Variants in COL12A1 observed in about 807,000 individuals in gnomAD.
COL12A1 encodes collagen alpha-1(XII) chain.
A neutral mutation model predicts 349.7 loss-of-function variants in COL12A1; 114 were observed. The ratio of observed to expected loss-of-function variants is 0.33; its 90% CI spans 0.28 to 0.38. COL12A1 has a LOEUF of 0.38. Ranked by LOEUF, COL12A1 falls within the 10% of genes least tolerant of loss-of-function variation. The pLI, the probability that COL12A1 is intolerant of heterozygous loss-of-function variation, is 1.00. For missense variants in COL12A1, 3,284 were observed against 3,756.9 expected (o/e 0.87, Z 3.29); for synonymous variants, 1,369 against 1,329.0 (o/e 1.03, Z -0.66).
chr6:75,097,615 T>C (rs1165479324), intron 58 of COL12A1, among the ~76,000 whole-genome samples: 1 of 152,194 alleles, frequency 6.6e-6, no homozygotes, highest in Non-Finnish European at 1.5e-5. Flanking sequence ...ATTCCCTTCA[T>C]GAAGATATTA....
chr6:75,116,987 C>A (rs1262374984), intron 47 of COL12A1, among the ~76,000 whole-genome samples: 1 of 152,122 alleles, frequency 6.6e-6, no homozygotes, highest in African/African-American at 2.4e-5. Context: ...AACCATTTTT[C>A]TTCATTGCTC....
chr6:75,201,388 T>C (rs1205677462), intron 2 of COL12A1, among the ~76,000 whole-genome samples: 1 of 152,208 alleles, frequency 6.6e-6, no homozygotes, highest in Non-Finnish European at 1.5e-5. Context: ...TTCTGTCACT[T>C]TTCTTAACAT....
chr6:75,183,692 T>C (rs762203155), intron 9 of COL12A1, 40 bp from the exon 10 acceptor site: 1 of 1,554,800 alleles, frequency 6.4e-7, no homozygotes, highest in African/African-American at 1.4e-5. Context: ...TCAATACATA[T>C]TAATCATTAA....
At chr6:75,171,058 A>G (rs966919931) in intron 13 of COL12A1, among the ~76,000 whole-genome samples, 1 of 152,244 alleles carries the variant, frequency 6.6e-6, no homozygotes, top group African/African-American at 2.4e-5. Flanking sequence ...CAATCGCTGA[A>G]TTAAAATGGG....
chr6:75,138,224 C>T, intron 30 of COL12A1, 96 bp downstream of exon 30: 1 of 1,244,980 alleles, frequency 8.0e-7, no homozygotes, highest in South Asian at 1.4e-5. Context: ...GATTTAAAAG[C>T]AGATGACCTA....
At chr6:75,200,530 GC>G (rs1404229225) in intron 2 of COL12A1, among the ~76,000 whole-genome samples, 1 of 152,130 alleles carries the variant, frequency 6.6e-6, no homozygotes, top group Non-Finnish European at 1.5e-5. Flanking sequence ...CCGAGATCAA[GC>G]CACTACACTC....
In COL12A1 at chr6:75,146,243, C is replaced by T; in HGVS notation, c.4419G>A (p.Leu1473=). 6.3e-7 allele frequency: 1 copy of T among 1,595,152 alleles called. No homozygotes were observed. The highest frequency in any genetic ancestry group is 1.1e-5 in the South Asian group (1 of 87,030). The change falls in exon 24 of 66, where the codon TTG becomes TTA. Residue 1473 remains leucine, a splice_region_variant and synonymous_variant. Coordinates refer to ENST00000322507, the MANE Select transcript of COL12A1 (RefSeq NM_004370.6). The part of the protein sequence containing the change: ...SEPLKGTEKT[L]PVPVVSLNIY... ...TATTCAGGCTGACTACAGGCACTGG[C>T]ACTTCCAAAACAGAAAAGCAGACCA...
At chr6:75,152,757 C>A (rs588100) in intron 17 of COL12A1, among the ~76,000 whole-genome samples, 1 of 152,054 alleles carries the variant, frequency 6.6e-6, no homozygotes, top group Non-Finnish European at 1.5e-5. Flanking sequence ...TTTCATAGAA[C>A]CTGGAGACTT....
At chr6:75,115,615 AT>A (rs1237325175) in intron 49 of COL12A1, among the ~76,000 whole-genome samples, 168 bp downstream of exon 49, 1 of 152,134 alleles carries the variant, frequency 6.6e-6, no homozygotes, top group African/African-American at 2.4e-5. Context: ...GCAAACAACT[AT>A]GTAACCTGGA....
At chr6:75,182,248 A>G (rs1163746099) in intron 10 of COL12A1, among the ~76,000 whole-genome samples, 1 of 36,182 alleles carries the variant, frequency 2.8e-5, no homozygotes, top group Non-Finnish European at 1.1e-4. Context: ...TCTGGGGTAC[A>G]TGTGCAGAAC....
At chr6:75,150,790 T>C (rs1767440848) in intron 21 of COL12A1, among the ~76,000 whole-genome samples, 1 of 152,106 alleles carries the variant, frequency 6.6e-6, no homozygotes, top group South Asian at 2.1e-4. Context: ...ATATATGTTG[T>C]GTGGGGGAGG....
chr6:75,198,957 T>C, intron 2 of COL12A1, among the ~76,000 whole-genome samples: 1 of 152,252 alleles, frequency 6.6e-6, no homozygotes, highest in East Asian at 1.9e-4. Flanking sequence ...TCTATAGGCA[T>C]TAATTTACAT....
chr6:75,188,522 T>G lies in COL12A1; in HGVS notation c.837A>C (p.Ala279=). 3 of 1,612,766 alleles carry G rather than the reference T, an allele frequency of 1.9e-6. No individual in the cohort carries two copies. Among genetic ancestry groups the G allele is most frequent in the Non-Finnish European group, 1.7e-6 (2 of 1,179,496 alleles). The part of the protein sequence containing the change: ...VEVFSLGIKA[A]DAKELKQIAS... ...CAATTTGTTTGAGTTCTTTTGCATCTGCAGCTTTAATGCCTTCAAAACAAA... is the reference window on the plus strand; with the variant it reads ...CAATTTGTTTGAGTTCTTTTGCATCGGCAGCTTTAATGCCTTCAAAACAAA... The change falls in exon 8 of 66, where the codon GCA becomes GCC. Residue 279 remains alanine, a synonymous_variant. Coordinates refer to ENST00000322507, the MANE Select transcript of COL12A1 (RefSeq NM_004370.6).
In COL12A1 at chr6:75,095,205, A is replaced by G. The variant is rs747826946; in HGVS notation, c.8578-26T>C. ...CTACAACACATGGAAAGGGAAGGGG[A>G]CTGTTATGACAAAGGGAAAATCCCA... On this transcript the variant is annotated intron_variant, in intron 59 of 65. Transcript: ENST00000322507. 1.7e-5 allele frequency: 27 copies of G among 1,577,430 alleles called. No homozygotes were observed. In the African/African-American group the frequency reaches 3.4e-4, roughly 20 times the overall value.
intron 60 of COL12A1, among the ~76,000 whole-genome samples, chr6:75,092,195 G>C (rs1272606924): frequency 1.3e-5 from 2 of 152,084 alleles, no homozygotes; most frequent in Admixed American, 1.3e-4. Flanking sequence ...AGGCCTGTTG[G>C]GGGGTCAGGG....
In COL12A1 at chr6:75,114,054, T is replaced by C. The variant is rs762008266; in HGVS notation, c.7698-310A>G. Among the ~76,000 whole-genome samples, 187 of 152,020 alleles carry C rather than the reference T, an allele frequency of 1.2e-3. 1 individual carries two copies. Among genetic ancestry groups the C allele is most frequent in the Non-Finnish European group, 1.1e-3 (75 of 67,836 alleles). ...ATTACAAAATAGTCTTTTATCCTACTATTAATAACTAATTTTTCTAGACAC... is the reference window on the plus strand; with the variant it reads ...ATTACAAAATAGTCTTTTATCCTACCATTAATAACTAATTTTTCTAGACAC... On this transcript the variant is annotated intron_variant, in intron 49 of 65. Transcript: ENST00000322507.
At position 75,128,420 on chromosome 6, in the gene COL12A1, T is replaced by C. The variant is rs1582094375; in HGVS notation, c.6216A>G (p.Thr2072=). The part of the protein sequence containing the change: ...TVGDPIDEYT[T]VPGRRNNVIL... ...TTACATTGTTTCTTCTGCCTGGGAC[T>C]GTGGTCTATAGAGGAAGTTAAATTA... Residue 2072 remains threonine, a synonymous_variant, in exon 38 of 66, where the codon ACA becomes ACG. Coordinates refer to ENST00000322507, the MANE Select transcript of COL12A1 (RefSeq NM_004370.6). The C allele has an allele frequency of 1.9e-6, 3 of 1,593,520 alleles. No homozygotes were observed. Among genetic ancestry groups the C allele is most frequent in the Non-Finnish European group, 8.5e-7 (1 of 1,171,452 alleles).
At chr6:75,115,997 GC>G (rs1341356708) in intron 48 of COL12A1, 21 bp downstream of exon 48, 2 of 1,612,936 alleles carry the variant, frequency 1.2e-6, no homozygotes, top group Non-Finnish European at 1.7e-6. Flanking sequence ...AAATTAATTT[GC>G]CCCAAAGTAT....
At position 75,188,395 on chromosome 6, in the gene COL12A1, C is replaced by A; in HGVS notation, c.964G>T (p.Glu322Ter). The change falls in exon 8 of 66, where the codon GAA becomes TAA. Residue 322 changes from glutamate to a stop codon, truncating the protein, a stop_gained. Transcript: ENST00000322507. LOFTEE classifies it high-confidence loss of function. Reference sequence around the variant, plus strand: ...CCACTAACCAATTCACCAAGTTGTTCATCAACACCTGAGCACACCTGGGAG... The same window carrying A: ...CCACTAACCAATTCACCAAGTTGTTAATCAACACCTGAGCACACCTGGGAG... Reference protein sequence around the residue: ...IISQVCSGVDEQLGELVSGEE... With the variant: ...IISQVCSGVD The A allele has an allele frequency of 6.2e-7, 1 of 1,613,280 alleles. No homozygotes were observed. Among genetic ancestry groups the A allele is most frequent in the Non-Finnish European group, 8.5e-7 (1 of 1,179,582 alleles).
Sources: gnomAD v4.1 joint callset for allele counts (sites outside exome capture counted in the v4.1 genomes callset) on GRCh38, gnomAD v4.1.1 for gene constraint, MANE v1.5 for transcripts, NCBI Gene and HGNC (gene_info 2026-07-23, HGNC 2026-07-21) for gene names.